The following TLR6 variants were observed in gnomAD, a reference collection of about 807,000 sequenced individuals.
The protein encoded by TLR6 is toll-like receptor 6.
A neutral mutation model predicts 16.1 loss-of-function variants in TLR6; 9 were observed. The ratio of observed to expected loss-of-function variants is 0.56; its 90% CI spans 0.34 to 0.98. The LOEUF (loss-of-function observed/expected upper bound fraction) is 0.98. Ranked by LOEUF, TLR6 falls within the 50% of genes least tolerant of loss-of-function variation. TLR6 has a pLI of 0.02. For missense variants in TLR6, 786 were observed against 921.0 expected, an observed-to-expected ratio of 0.85 and a Z score of 1.90; for synonymous variants, 340 against 338.6, an observed-to-expected ratio of 1.00 and a Z score of -0.04.
the TLR6 span, among the ~76,000 whole-genome samples, chr4:38,863,461 C>A: frequency 6.6e-6 from 1 of 152,150 alleles, no homozygotes. Flanking sequence ...CAATAGCCTG[C>A]TAAATGCTTG....
At chr4:38,863,281 T>G in the TLR6 span, among the ~76,000 whole-genome samples, 2 of 152,202 alleles carry the variant, frequency 1.3e-5, no homozygotes, top group African/African-American at 2.4e-5. Flanking sequence ...CTGAATTTCC[T>G]GCTAACTCAT....
the TLR6 span, chr4:38,868,304 G>A: frequency 6.5e-6 from 1 of 153,902 alleles, no homozygotes; most frequent in Non-Finnish European, 1.5e-5. Flanking sequence ...GTAAGACAGA[G>A]GCCTCGTCCC....
upstream of TLR6, among the ~76,000 whole-genome samples, chr4:38,859,220 CACAGAGAAGAGAGAT>C (rs1385943711): frequency 6.6e-6 from 1 of 152,182 alleles, no homozygotes; most frequent in African/African-American, 2.4e-5. Context: ...TCATAAGACA[CACAGAGAAGAGAGAT>C]ACAGAGAAGC....
chr4:38,858,864 AAAG>A (rs1418748674), upstream of TLR6, among the ~76,000 whole-genome samples: 8 of 139,470 alleles, frequency 5.7e-5, no homozygotes, highest in African/African-American at 2.2e-4. Flanking sequence ...AGAAAGAAAG[AAAG>A]AAAGAAAGAA....
intron 1 of TLR6, among the ~76,000 whole-genome samples, chr4:38,833,823 G>A (rs1298087209): frequency 6.6e-6 from 1 of 152,128 alleles, no homozygotes; most frequent in Non-Finnish European, 1.5e-5. Context: ...TTTATGATCT[G>A]AGTCAGAAAT....
At chr4:38,825,467 A>C (rs1037769176) in exon 2 of TLR6, 1 of 152,226 alleles carries the variant, frequency 6.6e-6, no homozygotes, top group Non-Finnish European at 1.5e-5. Flanking sequence ...AAAGAGGAGC[A>C]GATCTTCCTG....
exon 2 of TLR6, chr4:38,827,010 G>T: frequency 1.6e-6 from 2 of 1,212,880 alleles, no homozygotes; most frequent in Non-Finnish European, 2.2e-6. Flanking sequence ...CCTCCAGACA[G>T]TTACTTACGA....
the TLR6 span, among the ~76,000 whole-genome samples, chr4:38,867,139 G>C: frequency 6.6e-6 from 1 of 152,128 alleles, no homozygotes; most frequent in African/African-American, 2.4e-5. Flanking sequence ...CAACATATTC[G>C]ATGTCTGAAG....
upstream of TLR6, among the ~76,000 whole-genome samples, chr4:38,859,131 T>C (rs1465688976): frequency 6.6e-6 from 1 of 152,136 alleles, no homozygotes; most frequent in Non-Finnish European, 1.5e-5. Flanking sequence ...GGGGGTGGGA[T>C]TCGAACCCAG....
Position 38,827,223 on chromosome 4 carries a change from G to GCTTGTGGTA in TLR6, c.2242_2250dup (p.Tyr748_Lys750dup), listed in dbSNP as rs772274317. The GCTTGTGGTA allele has an allele frequency of 5.0e-6, 8 of 1,614,208 alleles. 1 individual carries two copies. In the South Asian group the frequency reaches 8.8e-5, roughly 18 times the overall value. On this transcript the variant is annotated inframe_insertion, in exon 2 of 2. Transcript: ENST00000436693. Reference sequence around the variant, plus strand: ...GTCCGCTGCGTCATGAGAGCCTTCAGCTTGTGGTACTTGTTGGGAATGCTG... The same window carrying GCTTGTGGTA: ...GTCCGCTGCGTCATGAGAGCCTTCAGCTTGTGGTACTTGTGGTACTTGTTGGGAATGCTG...
intron 1 of TLR6, among the ~76,000 whole-genome samples, chr4:38,831,011 G>C (rs950360319): frequency 7.0e-6 from 1 of 142,710 alleles, no homozygotes; most frequent in African/African-American, 2.7e-5. Context: ...GAAACAGAAA[G>C]TATTGTTCAT....
At chr4:38,846,078 C>T (rs1238046898) in intron 1 of TLR6, among the ~76,000 whole-genome samples, 3 of 119,786 alleles carry the variant, frequency 2.5e-5, no homozygotes, top group South Asian at 2.5e-4. Flanking sequence ...GGCCACAGAG[C>T]GAGACATCTC....
rs1469450801 is a variant in TLR6, at chr4:38,852,707, C to T, written c.-65+4054G>A. On this transcript the variant is annotated intron_variant, in intron 1 of 1. Coordinates refer to ENST00000436693, the Ensembl canonical transcript of TLR6. Reference sequence around the variant, plus strand: ...TACCGTCTCACACCAGTTAGAATGGCGATCATTAAAAAGTCAGGAAACAAC... The same window carrying T: ...TACCGTCTCACACCAGTTAGAATGGTGATCATTAAAAAGTCAGGAAACAAC... Among the ~76,000 whole-genome samples the T allele has an allele frequency of 8.6e-5, 13 of 150,882 alleles. No individual in the cohort carries two copies. The South Asian group carries it at 1.9e-3, about 22-fold the overall frequency.
upstream of TLR6, among the ~76,000 whole-genome samples, chr4:38,861,655 C>T (rs1289889826): frequency 1.3e-5 from 2 of 152,200 alleles, no homozygotes; most frequent in Non-Finnish European, 2.9e-5. Context: ...AAATGTATGA[C>T]TAGATCCCAG....
exon 2 of TLR6, chr4:38,827,079 T>C (rs1262201427): frequency 6.4e-7 from 1 of 1,563,150 alleles, no homozygotes; most frequent in South Asian, 1.2e-5. Context: ...TTTCCTAAAT[T>C]TTTTTAAGAT....
At chr4:38,840,619 G>A (rs1389975598) in intron 1 of TLR6, among the ~76,000 whole-genome samples, 1 of 146,496 alleles carries the variant, frequency 6.8e-6, no homozygotes, top group African/African-American at 2.7e-5. Context: ...GGGTGACAGG[G>A]CAAGACTCCC....
upstream of TLR6, among the ~76,000 whole-genome samples, chr4:38,861,500 C>A (rs73811239): frequency 0.031 from 4,731 of 152,278 alleles, 208 homozygotes; most frequent in African/African-American, 0.086. Context: ...AAAGATCATG[C>A]TCCATCCTCT....
chr4:38,832,318 G>A (rs1383869950), intron 1 of TLR6, among the ~76,000 whole-genome samples: 1 of 152,208 alleles, frequency 6.6e-6, no homozygotes, highest in Non-Finnish European at 1.5e-5. Flanking sequence ...AAGTGACAGT[G>A]CACCTCTGAG....
chr4:38,850,697 G>C (rs377284340), intron 1 of TLR6, among the ~76,000 whole-genome samples: 4,708 of 152,168 alleles, frequency 0.031, 211 homozygotes, highest in African/African-American at 0.086. Flanking sequence ...TTGAATCCCT[G>C]AATAGGCCAA....
Sources: allele counts gnomAD v4.1 joint callset (sites outside exome capture counted in the v4.1 genomes callset), GRCh38; gene constraint gnomAD v4.1.1; transcripts MANE v1.5; gene names NCBI Gene and HGNC (gene_info 2026-07-23, HGNC 2026-07-21).